The following SHROOM4 variants were observed in gnomAD, a reference collection of about 807,000 sequenced individuals.
SHROOM4 encodes the protein protein Shroom4.
Under a neutral mutation model 80.3 loss-of-function variants are expected in SHROOM4, and 17 were observed. The observed-to-expected ratio is 0.21, with a 90% CI of 0.14 to 0.32. SHROOM4 has a LOEUF of 0.32. Among genes scored for constraint, SHROOM4 ranks in the 10% least tolerant of loss-of-function variants. The probability of loss-of-function intolerance (pLI) is 1.00; values close to 1 mark genes in which losing one functional copy is unlikely to be tolerated. For missense variants in SHROOM4, 993 were observed against 1,140.3 expected, an observed-to-expected ratio of 0.87 and a Z score of 1.86; for synonymous variants, 400 against 437.5, an observed-to-expected ratio of 0.91 and a Z score of 1.07.
intron 2 of SHROOM4, among the ~76,000 whole-genome samples, chrX:50,676,099 T>C (rs782745893): frequency 9.0e-6 from 1 of 111,675 alleles, no homozygotes; most frequent in African/African-American, 3.2e-5. Flanking sequence ...TGTTTCTTCA[T>C]GTGCTGTCTT....
chrX:50,717,328 C>A (rs1408963685), intron 1 of SHROOM4, among the ~76,000 whole-genome samples: 2 of 111,893 alleles, frequency 1.8e-5, no homozygotes, highest in African/African-American at 6.5e-5. Flanking sequence ...AGCGATTCTC[C>A]TACCTCAGCC....
chrX:50,784,666 G>T (rs1186852761), intron 1 of SHROOM4, among the ~76,000 whole-genome samples: 1 of 111,590 alleles, frequency 9.0e-6, no homozygotes, highest in African/African-American at 3.3e-5. Context: ...ACTTCTAGAA[G>T]AAAATATAAA....
chrX:50,784,050 G>A (rs1342872206), intron 1 of SHROOM4, among the ~76,000 whole-genome samples: 5 of 112,252 alleles, frequency 4.5e-5, no homozygotes, highest in Non-Finnish European at 9.4e-5. Flanking sequence ...ACACAACGGC[G>A]TCGCCAAAAA....
At chrX:50,674,799 G>T (rs1238299865) in intron 2 of SHROOM4, among the ~76,000 whole-genome samples, 3 of 111,582 alleles carry the variant, frequency 2.7e-5, no homozygotes, top group African/African-American at 9.8e-5. Flanking sequence ...TCATGTTGTG[G>T]ATACTGAGAC....
At chrX:50,690,503 A>C (rs1809517075) in intron 2 of SHROOM4, among the ~76,000 whole-genome samples, 1 of 111,999 alleles carries the variant, frequency 8.9e-6, no homozygotes, top group African/African-American at 3.2e-5. Context: ...ATATTCTCAA[A>C]GTTTTGGTAA....
intron 2 of SHROOM4, among the ~76,000 whole-genome samples, chrX:50,681,857 C>T (rs1228236855): frequency 9.0e-6 from 1 of 111,591 alleles, no homozygotes; most frequent in East Asian, 2.8e-4. Flanking sequence ...ATGAATGGTT[C>T]CCCTCTTTGC....
chrX:50,642,629 AT>A (rs1931645570), intron 2 of SHROOM4, among the ~76,000 whole-genome samples: 1 of 110,243 alleles, frequency 9.1e-6, no homozygotes, highest in African/African-American at 3.3e-5. Flanking sequence ...TGCCCGGCTA[AT>A]TTTTTTGTAT....
chrX:50,659,004 T>A (rs1180445217), intron 2 of SHROOM4, among the ~76,000 whole-genome samples: 2 of 111,600 alleles, frequency 1.8e-5, no homozygotes, highest in Admixed American at 9.5e-5. Flanking sequence ...CTACTAACAG[T>A]CTGCATCCAG....
chrX:50,779,904 T>G (rs782011880), intron 1 of SHROOM4, among the ~76,000 whole-genome samples: 1 of 111,193 alleles, frequency 9.0e-6, no homozygotes, highest in African/African-American at 3.3e-5. Context: ...GTGGTGGCCT[T>G]TGGGATTCTT....
intron 1 of SHROOM4, among the ~76,000 whole-genome samples, chrX:50,704,069 GCATTAAAA>G (rs1933590734): frequency 9.0e-6 from 1 of 111,562 alleles, no homozygotes; most frequent in African/African-American, 3.3e-5. Flanking sequence ...CCCTTGTATA[GCATTAAAA>G]TAGTCTAGGA....
At chrX:50,689,113 G>T (rs1933156002) in intron 2 of SHROOM4, among the ~76,000 whole-genome samples, 1 of 111,553 alleles carries the variant, frequency 9.0e-6, no homozygotes, top group South Asian at 3.7e-4. Flanking sequence ...AATGATAAAT[G>T]TTTGAGATAA....
At chrX:50,813,406 C>T (rs782576007) in intron 1 of SHROOM4, among the ~76,000 whole-genome samples, 99 of 112,069 alleles carry the variant, frequency 8.8e-4, no homozygotes, top group Non-Finnish European at 1.6e-3. Flanking sequence ...CACCAATGGC[C>T]TCATCTCCGT....
chrX:50,581,040 C>G, the SHROOM4 span, among the ~76,000 whole-genome samples: 4 of 111,654 alleles, frequency 3.6e-5, no homozygotes, highest in Middle Eastern at 9.1e-3. Context: ...AAAAGTACTA[C>G]TATAAGCAAA....
chrX:50,583,901 C>T (rs1395995834), downstream of SHROOM4, among the ~76,000 whole-genome samples: 1 of 112,029 alleles, frequency 8.9e-6, no homozygotes, highest in Non-Finnish European at 1.9e-5. Flanking sequence ...AGACTTCTGA[C>T]CCACAGAAAC....
chrX:50,578,222 T>C, the SHROOM4 span, among the ~76,000 whole-genome samples: 2 of 112,857 alleles, frequency 1.8e-5, no homozygotes, highest in East Asian at 2.8e-4. Flanking sequence ...CAAGACAATA[T>C]TTTAAAGGAC....
intron 4 of SHROOM4, among the ~76,000 whole-genome samples, chrX:50,632,879 A>C (rs1333199572): frequency 9.0e-6 from 1 of 111,701 alleles, no homozygotes; most frequent in Non-Finnish European, 1.9e-5. Context: ...ACATACTTCA[A>C]ATTTGTGTGG....
chrX:50,735,879 C>T (rs1165249098), intron 1 of SHROOM4, among the ~76,000 whole-genome samples: 2 of 109,181 alleles, frequency 1.8e-5, no homozygotes, highest in Admixed American at 9.8e-5. Flanking sequence ...TGGTGGTGTG[C>T]GCCTACAGTC....
the SHROOM4 span, among the ~76,000 whole-genome samples, chrX:50,576,405 T>G: frequency 1.8e-5 from 2 of 111,714 alleles, no homozygotes; most frequent in Admixed American, 9.5e-5. Flanking sequence ...CTTCCAGTAC[T>G]GGGGTCCCTA....
At chrX:50,621,002 C>T (rs1930549325) in intron 5 of SHROOM4, among the ~76,000 whole-genome samples, 1 of 111,524 alleles carries the variant, frequency 9.0e-6, no homozygotes, top group South Asian at 3.8e-4. Context: ...CCCCCACCAA[C>T]TTTTATATAT....
Sources: allele counts gnomAD v4.1 joint callset (sites outside exome capture counted in the v4.1 genomes callset), GRCh38; gene constraint gnomAD v4.1.1; transcripts MANE v1.5; gene names NCBI Gene and HGNC (gene_info 2026-07-23, HGNC 2026-07-21).